MVP: variants seen among roughly 807,000 people sequenced by gnomAD.
MVP encodes the protein major vault protein, also known as lung resistance-related protein.
MVP carries 62 observed loss-of-function variants against 83.5 expected under a neutral mutation model. The observed-to-expected ratio is 0.74, with a 90% CI of 0.61 to 0.92. The LOEUF is 0.92. Among genes scored for constraint, MVP ranks in the 40% least tolerant of loss-of-function variants. MVP has a pLI of 0.00. For synonymous variants in MVP, 505 were observed against 504.1 expected, an observed-to-expected ratio of 1.00 and a Z score of -0.02; for missense variants, 1,000 against 1,203.4, an observed-to-expected ratio of 0.83 and a Z score of 2.50.
intron 1 of MVP, among the ~76,000 whole-genome samples, chr16:29,829,414 C>G (rs2067425573): frequency 7.0e-6 from 1 of 142,744 alleles, no homozygotes; most frequent in Non-Finnish European, 1.5e-5. Context: ...ATGATTGCAC[C>G]ACTGCACTCC....
intron 1 of MVP, among the ~76,000 whole-genome samples, chr16:29,825,507 C>T (rs1456843343): frequency 2.0e-5 from 3 of 152,156 alleles, no homozygotes; most frequent in Admixed American, 6.5e-5. Context: ...CCATAGATGG[C>T]GAGGGTAGAA....
chr16:29,843,376 A>T (rs1033709128), intron 10 of MVP, among the ~76,000 whole-genome samples: 1 of 150,542 alleles, frequency 6.6e-6, no homozygotes, highest in Non-Finnish European at 1.5e-5. Flanking sequence ...ATGTCTATAG[A>T]CCCAACTACT....
At chr16:29,832,596 CT>C (rs1177021376) in intron 3 of MVP, among the ~76,000 whole-genome samples, 1,846 of 122,794 alleles carry the variant, frequency 0.015, 28 homozygotes, top group African/African-American at 0.037. Flanking sequence ...CGCGCCTGGC[CT>C]TTTTTTTTTT....
Position 29,847,770 on chromosome 16 carries a change from G to A in MVP, c.2463G>A (p.Leu821=), listed in dbSNP as rs2067598193. The change falls in exon 15 of 15, where the codon CTG becomes CTA. Residue 821 remains leucine (L), a synonymous_variant. Transcript: ENST00000357402. ...CTGTTCTCACCCTCCAGGTAAAACT[G>A]CTCCAGTCCCTGGGCCTGAAATCAA... ...AVAGPEMQVK[L]LQSLGLKSTL... 3 of 1,613,962 alleles carry A rather than the reference G, an allele frequency of 1.9e-6. No homozygotes were observed. The highest frequency in any genetic ancestry group is 2.2e-5 in the South Asian group (2 of 91,088).
chr16:29,837,518 C>T (rs1596920889), intron 7 of MVP, among the ~76,000 whole-genome samples: 1 of 152,192 alleles, frequency 6.6e-6, no homozygotes, highest in Non-Finnish European at 1.5e-5. Flanking sequence ...CTTTGGGAGG[C>T]CGAGGCAGGT....
At chr16:29,833,634 A>C (rs2067462079) in intron 3 of MVP, 99 bp from the exon 4 acceptor site, 3 of 1,532,888 alleles carry the variant, frequency 2.0e-6, no homozygotes, top group Non-Finnish European at 2.7e-6. Context: ...ATTTCAGGAC[A>C]TACAGAGATG....
intron 3 of MVP, chr16:29,833,468 CTTTTTTTTTTT>C: frequency 7.8e-6 from 1 of 128,126 alleles, no homozygotes; most frequent in South Asian, 9.0e-5. Context: ...CCTGGCTACA[CTTTTTTTTTTT>C]TTTTTTTTTT....
At chr16:29,835,419 A>G (rs1435759136) in intron 5 of MVP, 2 of 212,898 alleles carry the variant, frequency 9.4e-6, no homozygotes, top group Non-Finnish European at 1.7e-5. Context: ...ACTTGAATCC[A>G]GGAGGCTGAG....
intron 8 of MVP, 134 bp downstream of exon 8, chr16:29,840,593 G>A: frequency 9.5e-7 from 1 of 1,047,206 alleles, no homozygotes; most frequent in Admixed American, 2.7e-5. Flanking sequence ...GTCTGGTTGG[G>A]GGAGGGCACT....
In MVP at chr16:29,844,565, T is replaced by G. The variant is rs2067565187; in HGVS notation, c.1707T>G (p.Gly569=). 2 of 1,606,332 alleles carry G rather than the reference T, an allele frequency of 1.2e-6. No individual in the cohort carries two copies. The highest frequency in any genetic ancestry group is 2.7e-5 in the African/African-American group (2 of 74,784). Residue 569 remains glycine (G), a synonymous_variant, in exon 11 of 15, where the codon GGT becomes GGG. Transcript: ENST00000357402. ...AKLFSVPDFV[G]DACKAIASRV... ...TCTTTTCAGTGCCAGACTTTGTAGG[T>G]GATGCCTGCAAAGCCATCGCATCCC...
At chr16:29,840,598 G>A in intron 8 of MVP, 139 bp downstream of exon 8, 5 of 973,802 alleles carry the variant, frequency 5.1e-6, no homozygotes, top group Non-Finnish European at 7.5e-6. Flanking sequence ...GTTGGGGGAG[G>A]GCACTACGTG....
intron 11 of MVP, 29 bp from the exon 12 acceptor site, chr16:29,845,834 G>C (rs1466000329): frequency 1.7e-5 from 27 of 1,604,566 alleles, no homozygotes; most frequent in Non-Finnish European, 2.0e-5. Context: ...CCCCATGCCA[G>C]CCTCTCACCT....
intron 5 of MVP, chr16:29,834,958 T>A (rs891234583): frequency 2.7e-5 from 4 of 150,424 alleles, no homozygotes; most frequent in East Asian, 2.0e-4. Context: ...TCCACCAGGT[T>A]CGGCCTCCCA....
intron 10 of MVP, 24 bp from the exon 11 acceptor site, chr16:29,844,469 C>T: frequency 6.6e-7 from 1 of 1,519,432 alleles, no homozygotes; most frequent in Non-Finnish European, 8.8e-7. Flanking sequence ...GCAGCTTCCC[C>T]ATTCTGGGCC....
chr16:29,836,904 C>T lies in MVP; in HGVS notation c.855C>T (p.Leu285=), dbSNP rs571554028. ...GCCCCCACAACTACTGCGTGATTCT[C>T]GACCCTGTCGGACCGGATGGCAAGA... ...TLGPHNYCVI[L]DPVGPDGKNQ... is the part of the protein sequence containing the mutation. Residue 285 remains leucine (L), a synonymous_variant, in exon 7 of 15, where the codon CTC becomes CTT. Transcript: ENST00000357402. 32 of 1,614,018 alleles carry T rather than the reference C, an allele frequency of 2.0e-5. No homozygotes were observed. The highest frequency in any genetic ancestry group is 6.6e-5 in the South Asian group (6 of 91,076).
chr16:29,842,591 C>A (rs938235356), intron 10 of MVP, among the ~76,000 whole-genome samples: 1 of 152,152 alleles, frequency 6.6e-6, no homozygotes, highest in Non-Finnish European at 1.5e-5. Context: ...AGGCATGAGC[C>A]ACTGCACCCG....
At chr16:29,845,767 C>A in intron 11 of MVP, 96 bp from the exon 12 acceptor site, 1 of 1,069,526 alleles carries the variant, frequency 9.3e-7, no homozygotes, top group Non-Finnish European at 1.4e-6. Flanking sequence ...TGGGGTCTGT[C>A]CTGGGCACCG....
At chr16:29,844,044 G>A (rs992377463) in intron 10 of MVP, among the ~76,000 whole-genome samples, 3 of 152,106 alleles carry the variant, frequency 2.0e-5, no homozygotes, top group Non-Finnish European at 4.4e-5. Context: ...TAAGAGCACA[G>A]GCCCCAGAAG....
intron 8 of MVP, 39 bp downstream of exon 8, chr16:29,840,498 C>T: frequency 6.5e-7 from 1 of 1,533,474 alleles, no homozygotes. Context: ...GCCACGTGGC[C>T]TTGGCCTTGG....
Sources: gnomAD v4.1 joint callset for allele counts (sites outside exome capture counted in the v4.1 genomes callset) on GRCh38, gnomAD v4.1.1 for gene constraint, MANE v1.5 for transcripts, NCBI Gene and HGNC (gene_info 2026-07-23, HGNC 2026-07-21) for gene names.